The following FOCAD variants were observed in gnomAD, a reference collection of about 807,000 sequenced individuals.
FOCAD encodes the protein focadhesin.
FOCAD carries 198 observed loss-of-function variants against 225.6 expected under a neutral mutation model. The observed-to-expected ratio is 0.88, with a 90% confidence interval of 0.78 to 0.99. The LOEUF (loss-of-function observed/expected upper bound fraction) is 0.99. Ranked by LOEUF, FOCAD falls within the 50% of genes least tolerant of loss-of-function variation. FOCAD has a pLI of 0.00. For missense variants in FOCAD, 2,713 were observed against 2,123.6 expected, an observed-to-expected ratio of 1.28 and a Z score of -5.46; for synonymous variants, 897 against 755.0, an observed-to-expected ratio of 1.19 and a Z score of -3.08.
At position 20,823,044 on chromosome 9, in the gene FOCAD, T is replaced by C; in HGVS notation, c.1849T>C (p.Cys617Arg). ...LAAISQVLNE[C>R]TKPDQATPAA... ...AGCTATTTCTCAAGTGTTGAATGAA[T>C]GCACCAAGCCTGATCAAGCTACTCC... is the stretch of plus-strand genomic sequence containing the variant. Residue 617 changes from cysteine to arginine, a missense_variant, in exon 15 of 44, where the codon TGC becomes CGC. Physicochemically the swap from Cys to Arg is radical, Grantham distance 180. Transcript: ENST00000338382. The C allele has an allele frequency of 6.2e-7, 1 of 1,609,450 alleles. No individual in the cohort carries two copies. Among genetic ancestry groups the C allele is most frequent in the South Asian group, 1.1e-5 (1 of 90,464 alleles).
At chr9:20,859,704 A>AAT (rs1343438312) in intron 15 of FOCAD, among the ~76,000 whole-genome samples, 1 of 147,122 alleles carries the variant, frequency 6.8e-6, no homozygotes, top group African/African-American at 2.5e-5. Flanking sequence ...TTATATATAT[A>AAT]ATATATATAT....
At chr9:20,954,560 T>C (rs1003659040) in intron 35 of FOCAD, among the ~76,000 whole-genome samples, 2 of 152,224 alleles carry the variant, frequency 1.3e-5, no homozygotes, top group Non-Finnish European at 2.9e-5. Context: ...CTGAATCTTA[T>C]TCAATCTTCG....
At chr9:20,668,494 A>AT (rs1386083766) in intron 2 of FOCAD, among the ~76,000 whole-genome samples, 2 of 152,208 alleles carry the variant, frequency 1.3e-5, no homozygotes, top group African/African-American at 2.4e-5. Context: ...TCCTATTTCC[A>AT]TTTTTTATGT....
At chr9:20,871,695 G>A (rs1403928767) in intron 18 of FOCAD, among the ~76,000 whole-genome samples, 1 of 142,770 alleles carries the variant, frequency 7.0e-6, no homozygotes, top group African/African-American at 2.6e-5. Context: ...ACTCATAGGT[G>A]GGAATTGAAC....
chr9:20,761,071 G>A (rs1033932777), intron 6 of FOCAD, among the ~76,000 whole-genome samples: 2 of 152,040 alleles, frequency 1.3e-5, no homozygotes, highest in Non-Finnish European at 2.9e-5. Flanking sequence ...GGAGTCTGCT[G>A]TGTTGCCCAG....
intron 35 of FOCAD, among the ~76,000 whole-genome samples, chr9:20,959,108 C>G (rs947894957): frequency 1.3e-5 from 2 of 152,158 alleles, no homozygotes; most frequent in African/African-American, 4.8e-5. Flanking sequence ...TGAGGAACCT[C>G]CCTACTGTTA....
At chr9:20,714,702 C>T (rs1308230761) in intron 1 of FOCAD, among the ~76,000 whole-genome samples, 6 of 130,770 alleles carry the variant, frequency 4.6e-5, no homozygotes, top group African/African-American at 1.5e-4. Context: ...CTTCCTTCCT[C>T]TCTCTTTCTC....
At chr9:20,682,281 G>A (rs1171561705), upstream of FOCAD, among the ~76,000 whole-genome samples, 1 of 152,230 alleles carries the variant, frequency 6.6e-6, no homozygotes, top group Non-Finnish European at 1.5e-5. Flanking sequence ...GGTGTCAAAA[G>A]TAGACTCAAT....
intron 9 of FOCAD, among the ~76,000 whole-genome samples, chr9:20,780,694 T>C (rs555381495): frequency 6.6e-6 from 1 of 152,198 alleles, no homozygotes; most frequent in African/African-American, 2.4e-5. Context: ...TGATTACAAA[T>C]AGCAATTTAT....
chr9:20,666,107 G>T (rs1367039091), intron 2 of FOCAD, among the ~76,000 whole-genome samples: 1 of 152,076 alleles, frequency 6.6e-6, no homozygotes, highest in South Asian at 2.1e-4. Flanking sequence ...CTGGAATCAG[G>T]TGTGGGAAAG....
At chr9:20,771,371 G>T (rs554064366) in intron 8 of FOCAD, among the ~76,000 whole-genome samples, 120 of 152,302 alleles carry the variant, frequency 7.9e-4, no homozygotes, top group Non-Finnish European at 1.5e-3. Flanking sequence ...TAGGAAGATG[G>T]AGGAGGGTTT....
chr9:20,898,761 A>G (rs1346841642), intron 21 of FOCAD, among the ~76,000 whole-genome samples: 1 of 151,746 alleles, frequency 6.6e-6, no homozygotes, highest in Non-Finnish European at 1.5e-5. Context: ...TATGTATTTT[A>G]CCTTTTAGTC....
rs769039542 is a variant in FOCAD, at chr9:20,981,593, G to C, written c.4545G>C (p.Gln1515His). 2 of 1,613,944 alleles carry C rather than the reference G, an allele frequency of 1.2e-6. No individual in the cohort carries two copies. Among genetic ancestry groups the C allele is most frequent in the Non-Finnish European group, 1.7e-6 (2 of 1,180,014 alleles). ...LCPSALHGLSQAMKLPSPAHH... is the reference protein window; with the variant it reads ...LCPSALHGLSHAMKLPSPAHH... The stretch of plus-strand genomic sequence containing the variant: ...CAAGTGCTTTACACGGTCTGAGCCA[G>C]GCCATGAAACTGCCCAGCCCTGCCC... The change falls in exon 38 of 44, where the codon CAG becomes CAC. Residue 1515 changes from glutamine to histidine, a missense_variant. Coordinates refer to ENST00000338382, the MANE Select transcript of FOCAD (RefSeq NM_001375567.1).
chr9:20,738,492 G>T (rs549759569), intron 4 of FOCAD, among the ~76,000 whole-genome samples: 1 of 152,256 alleles, frequency 6.6e-6, no homozygotes, highest in African/African-American at 2.4e-5. Context: ...TTATGGAGAA[G>T]GCTTCATGAA....
intron 4 of FOCAD, among the ~76,000 whole-genome samples, chr9:20,733,128 G>A (rs772751635): frequency 2.3e-4 from 35 of 151,764 alleles, no homozygotes; most frequent in Non-Finnish European, 3.4e-4. Flanking sequence ...TAACTCTTCC[G>A]GGTACCTGTG....
At chr9:20,665,186 G>A (rs1821862679) in intron 2 of FOCAD, among the ~76,000 whole-genome samples, 1 of 152,134 alleles carries the variant, frequency 6.6e-6, no homozygotes, top group African/African-American at 2.4e-5. Flanking sequence ...CTTGCTTGAA[G>A]TTTTATTAAG....
intron 4 of FOCAD, among the ~76,000 whole-genome samples, chr9:20,723,528 A>T (rs1825956683): frequency 6.6e-6 from 1 of 152,226 alleles, no homozygotes; most frequent in Non-Finnish European, 1.5e-5. Context: ...TTGAATAGAT[A>T]ATATATTCAC....
At chr9:20,720,100 G>C (rs189959491) in intron 3 of FOCAD, among the ~76,000 whole-genome samples, 9 of 152,262 alleles carry the variant, frequency 5.9e-5, no homozygotes, top group Admixed American at 2.0e-4. Context: ...TTTTAGCTTT[G>C]TTGTGTTGCT....
intron 40 of FOCAD, 128 bp downstream of exon 40, chr9:20,986,593 G>A: frequency 1.4e-6 from 1 of 691,992 alleles, no homozygotes; most frequent in East Asian, 3.2e-5. Flanking sequence ...GCCTTCTGGT[G>A]CCAAATGAGG....
Sources: allele counts gnomAD v4.1 joint callset (sites outside exome capture counted in the v4.1 genomes callset), GRCh38; gene constraint gnomAD v4.1.1; transcripts MANE v1.5; gene names NCBI Gene and HGNC (gene_info 2026-07-23, HGNC 2026-07-21).